FAM135A: variants seen among roughly 807,000 people sequenced by gnomAD.
FAM135A encodes family with sequence similarity 135 member A, also known as protein FAM135A.
Under a neutral mutation model 146.8 loss-of-function variants are expected in FAM135A, and 79 were observed. That is an observed-to-expected ratio of 0.54 (90% CI 0.45 to 0.65). FAM135A has a LOEUF of 0.65. Among genes scored for constraint, FAM135A ranks in the 30% least tolerant of loss-of-function variants. The pLI is 0.00. For synonymous variants in FAM135A, 562 were observed against 603.6 expected, an observed-to-expected ratio of 0.93 and a Z score of 1.01; for missense variants, 1,623 against 1,758.2, an observed-to-expected ratio of 0.92 and a Z score of 1.38.
intron 20 of FAM135A, among the ~76,000 whole-genome samples, chr6:70,547,635 C>A (rs1484803169): frequency 1.3e-5 from 2 of 151,994 alleles, no homozygotes; most frequent in Admixed American, 6.6e-5. Flanking sequence ...TTAGCCAGTT[C>A]CAGAAAGTAA....
chr6:70,515,759 A>G (rs1347422013), intron 12 of FAM135A, among the ~76,000 whole-genome samples: 1 of 152,166 alleles, frequency 6.6e-6, no homozygotes, highest in Admixed American at 6.5e-5. Context: ...ATGGACTTTA[A>G]TATTGATATA....
chr6:70,532,049 A>AT lies in FAM135A; in HGVS notation c.3776-1105dup, dbSNP rs796997601. 6.4e-4 allele frequency among the ~76,000 whole-genome samples: 96 copies of AT among 151,150 alleles called. 1 individual carries two copies. The highest frequency in any genetic ancestry group is 3.4e-3 in the Middle Eastern group (1 of 292). ...AGGCGTCTGCCACCACACACGGCTA[A>AT]TTTTTTGTATTTTTAGTAGGGTTTC... On this transcript the variant is annotated intron_variant, in intron 16 of 21. Coordinates refer to ENST00000418814, the MANE Select transcript of FAM135A (RefSeq NM_001162529.3).
intron 10 of FAM135A, among the ~76,000 whole-genome samples, chr6:70,484,435 A>G (rs1329914340): frequency 1.3e-5 from 2 of 152,242 alleles, no homozygotes; most frequent in African/African-American, 4.8e-5. Context: ...TATAATTAGT[A>G]ATTAAATAAA....
At chr6:70,454,533 G>T (rs1330306129) in intron 5 of FAM135A, among the ~76,000 whole-genome samples, 2 of 152,088 alleles carry the variant, frequency 1.3e-5, no homozygotes, top group African/African-American at 2.4e-5. Context: ...GGATTTGTAT[G>T]GTTTTAGATA....
At chr6:70,546,925 A>G (rs766588948) in intron 20 of FAM135A, among the ~76,000 whole-genome samples, 33 of 152,316 alleles carry the variant, frequency 2.2e-4, no homozygotes, top group Non-Finnish European at 3.5e-4. Flanking sequence ...TGTATAATAT[A>G]TAGACATTAG....
At chr6:70,443,476 A>G (rs1053188846) in intron 4 of FAM135A, among the ~76,000 whole-genome samples, 6 of 152,264 alleles carry the variant, frequency 3.9e-5, no homozygotes, top group African/African-American at 1.4e-4. Flanking sequence ...CTACGTGTGT[A>G]GTATAACCAG....
chr6:70,560,394 A>G lies in FAM135A; in HGVS notation c.*473A>G, dbSNP rs1293680970. On this transcript the variant is annotated 3_prime_UTR_variant, in exon 22 of 22. Coordinates refer to ENST00000418814, the MANE Select transcript of FAM135A (RefSeq NM_001162529.3). ...GAAATAAAATTATGGCTGCTACAAT[A>G]TATTTTTTGAAATCAACTTCTGTAG... 1 of 153,206 alleles carries G rather than the reference A, an allele frequency of 6.5e-6. No individual in the cohort carries two copies. Among genetic ancestry groups the G allele is most frequent in the African/African-American group, 2.4e-5 (1 of 41,462 alleles). The allele number at this position is 153,206 out of a possible 1,614,324, so 9.5% of individuals were successfully genotyped here.
At chr6:70,554,713 CG>C (rs983808202) in intron 20 of FAM135A, among the ~76,000 whole-genome samples, 51 of 152,150 alleles carry the variant, frequency 3.4e-4, no homozygotes, top group African/African-American at 1.1e-3. Context: ...CTGCAACCTC[CG>C]CCTCCTGGGT....
At chr6:70,465,316 T>C (rs1309783349) in intron 5 of FAM135A, among the ~76,000 whole-genome samples, 1 of 152,240 alleles carries the variant, frequency 6.6e-6, no homozygotes, top group Admixed American at 6.5e-5. Context: ...TTATAAATAA[T>C]GCTTCAATGA....
At position 70,433,284 on chromosome 6, in the gene FAM135A, T is replaced by G. The variant is rs537258640; in HGVS notation, c.77+4865T>G. Among the ~76,000 whole-genome samples, 46 of 152,102 alleles carry G rather than the reference T, an allele frequency of 3.0e-4. No individual in the cohort carries two copies. In the South Asian group the frequency reaches 9.6e-3, roughly 32 times the overall value. On this transcript the variant is annotated intron_variant, in intron 4 of 21. Transcript: ENST00000418814. ...AAAGACGAGGTTTCACCATGTTAGC[T>G]AGTATGGTCTTGATCTCCTGACCTC... is the stretch of plus-strand genomic sequence containing the variant.
At chr6:70,488,451 G>A (rs1785151652) in intron 10 of FAM135A, among the ~76,000 whole-genome samples, 1 of 120,718 alleles carries the variant, frequency 8.3e-6, no homozygotes, top group South Asian at 2.9e-4. Flanking sequence ...CCTTGGATTA[G>A]TAATAAGAGC....
Position 70,541,858 on chromosome 6 carries a change from G to A in FAM135A, c.4228+3457G>A, listed in dbSNP as rs931690774. ...CTGCCTAGTGAGAAACTTAGAAAGT[G>A]TTCTTGACTCTGCTTTCTTATTTAT... On this transcript the variant is annotated intron_variant, in intron 20 of 21. Coordinates refer to ENST00000418814, the MANE Select transcript of FAM135A (RefSeq NM_001162529.3). Among the ~76,000 whole-genome samples the A allele has an allele frequency of 5.1e-4, 78 of 152,158 alleles. 2 individuals are homozygous for A. Among genetic ancestry groups the A allele is most frequent in the Admixed American group, 4.9e-3 (75 of 15,278 alleles).
chr6:70,509,316 G>A (rs1790480867), intron 12 of FAM135A, among the ~76,000 whole-genome samples: 1 of 152,056 alleles, frequency 6.6e-6, no homozygotes, highest in African/African-American at 2.4e-5. Context: ...ATGGAACTCT[G>A]CTTCTATGAG....
At chr6:70,551,821 T>C (rs531034826) in intron 20 of FAM135A, among the ~76,000 whole-genome samples, 67 of 152,300 alleles carry the variant, frequency 4.4e-4, no homozygotes, top group African/African-American at 1.6e-3. Flanking sequence ...ATAGGCATGG[T>C]TCATGGCATT....
chr6:70,485,136 T>A (rs949841231), intron 10 of FAM135A, among the ~76,000 whole-genome samples: 9 of 152,286 alleles, frequency 5.9e-5, no homozygotes, highest in South Asian at 4.1e-4. Flanking sequence ...TACTAGTACC[T>A]TACACATAGA....
chr6:70,535,956 A>G (rs1047415057), intron 18 of FAM135A: 1 of 188,598 alleles, frequency 5.3e-6, no homozygotes, highest in African/African-American at 2.3e-5. Context: ...TATGTAATCT[A>G]GTCATTATAT....
rs557895640 is a variant in FAM135A at position 70,555,730 on chromosome 6, G to C, written c.4229-1020G>C. Among the ~76,000 whole-genome samples, 192 of 144,924 alleles carry C rather than the reference G, an allele frequency of 1.3e-3. 1 individual carries two copies. The highest frequency in any genetic ancestry group is 1.1e-3 in the Non-Finnish European group (77 of 67,876). On this transcript the variant is annotated intron_variant, in intron 20 of 21. Coordinates refer to ENST00000418814, the MANE Select transcript of FAM135A (RefSeq NM_001162529.3). The stretch of plus-strand genomic sequence containing the variant: ...TGTGTCACGAGATGTGAGAATGAAG[G>C]GGGGGGAGTCATTTTTTCTTAATAT...
At chr6:70,446,359 A>G (rs375374481) in intron 4 of FAM135A, among the ~76,000 whole-genome samples, 3 of 152,112 alleles carry the variant, frequency 2.0e-5, no homozygotes, top group African/African-American at 7.2e-5. Flanking sequence ...TATCATTTCT[A>G]CCATCTGACC....
intron 11 of FAM135A, among the ~76,000 whole-genome samples, chr6:70,498,384 G>A (rs560330539): frequency 6.6e-5 from 10 of 151,400 alleles, no homozygotes; most frequent in African/African-American, 1.9e-4. Context: ...TATTAGTCTC[G>A]CTAGTGGTCT....
Sources: gnomAD v4.1 joint callset for allele counts (sites outside exome capture counted in the v4.1 genomes callset) on GRCh38, gnomAD v4.1.1 for gene constraint, MANE v1.5 for transcripts, NCBI Gene and HGNC (gene_info 2026-07-23, HGNC 2026-07-21) for gene names.